The following PRKN variants were observed in gnomAD, a reference collection of about 807,000 sequenced individuals.
PRKN encodes E3 ubiquitin-protein ligase parkin.
Under a neutral mutation model 59.5 loss-of-function variants are expected in PRKN, and 56 were observed. The observed-to-expected ratio is 0.94, with a 90% CI of 0.76 to 1.18. The LOEUF (loss-of-function observed/expected upper bound fraction) is 1.18, where lower values mean the gene tolerates loss of function less well. Among genes scored for constraint, PRKN ranks in the 50% most tolerant of loss-of-function variants. The pLI, the probability that PRKN is intolerant of heterozygous loss-of-function variation, is 0.00. For missense variants in PRKN, 657 were observed against 596.4 expected (o/e 1.10, Z -1.06); for synonymous variants, 250 against 222.1 (o/e 1.13, Z -1.12).
rs1175386173 is a variant in PRKN at position 161,547,367 on chromosome 6, CT to C, written c.1083+1486del. On this transcript the variant is annotated intron_variant, in intron 9 of 11. Coordinates refer to ENST00000366898, the MANE Select transcript of PRKN (RefSeq NM_004562.3). This position sits in a 1 kb window ranked among gnomAD's most constrained non-coding sequence, Gnocchi z 4.0. ...TAAAATAATTTGTCATGATTTGCAG[CT>C]TAAGTATGTATGTTATTTACTTATA... Among the ~76,000 whole-genome samples the C allele has an allele frequency of 6.6e-6, 1 of 152,104 alleles. No individual in the cohort carries two copies. Among genetic ancestry groups the C allele is most frequent in the African/African-American group, 2.4e-5 (1 of 41,410 alleles).
intron 5 of PRKN, among the ~76,000 whole-genome samples, chr6:162,040,968 TGAGGTCAGGA>T (rs1158579961): frequency 1.3e-5 from 2 of 150,828 alleles, no homozygotes; most frequent in African/African-American, 4.9e-5. Flanking sequence ...GTAGATCACC[TGAGGTCAGGA>T]GTTCAAGACC....
intron 6 of PRKN, among the ~76,000 whole-genome samples, chr6:161,816,776 T>C (rs1791801595): frequency 6.6e-6 from 1 of 152,010 alleles, no homozygotes. Flanking sequence ...TAACCCCAAT[T>C]TTGCTATTGA....
intron 1 of PRKN, among the ~76,000 whole-genome samples, chr6:162,608,038 C>T (rs1781994163): frequency 6.6e-6 from 1 of 152,162 alleles, no homozygotes; most frequent in Non-Finnish European, 1.5e-5. Flanking sequence ...TGTGGCTGCA[C>T]AGGTTGAAAG....
intron 4 of PRKN, among the ~76,000 whole-genome samples, chr6:162,111,334 A>G (rs1349234418): frequency 6.6e-6 from 1 of 152,192 alleles, no homozygotes; most frequent in East Asian, 1.9e-4. Context: ...GTGTTGTGGC[A>G]TGCATCTGTA....
rs532939479 is a variant in PRKN at position 161,530,112 on chromosome 6, C to T, written c.1083+18742G>A. On this transcript the variant is annotated intron_variant, in intron 9 of 11. Coordinates refer to ENST00000366898, the MANE Select transcript of PRKN (RefSeq NM_004562.3). The surrounding 1 kb of genome is among the most constrained non-coding windows in gnomAD (Gnocchi z 5.0). ...TTTCACTGGGCCGTGGCTGTGCACA[C>T]GGGCTTCTTGCCATCACTTAAATGG... Among the ~76,000 whole-genome samples the T allele has an allele frequency of 1.4e-4, 22 of 152,266 alleles. No individual in the cohort carries two copies. In the South Asian group the frequency reaches 1.7e-3, roughly 11 times the overall value.
chr6:161,593,961 C>A lies in PRKN; in HGVS notation c.872-24545G>T, dbSNP rs898956222. On this transcript the variant is annotated intron_variant, in intron 7 of 11. Coordinates refer to ENST00000366898, the MANE Select transcript of PRKN (RefSeq NM_004562.3). This position sits in a 1 kb window ranked among gnomAD's most constrained non-coding sequence, Gnocchi z 4.8. The stretch of plus-strand genomic sequence containing the variant: ...GGTCAGGAGTTTGAGACCAGCCTGG[C>A]CAACATAGTGAAACCCCATCTCTAC... Among the ~76,000 whole-genome samples the A allele has an allele frequency of 6.0e-5, 9 of 151,062 alleles. No individual in the cohort carries two copies. The highest frequency in any genetic ancestry group is 1.3e-4 in the Non-Finnish European group (9 of 67,848).
chr6:161,818,177 G>A (rs1791869467), intron 6 of PRKN, among the ~76,000 whole-genome samples: 1 of 152,114 alleles, frequency 6.6e-6, no homozygotes, highest in African/African-American at 2.4e-5. Context: ...TCTCCTGAAA[G>A]ATAAGGTCAG....
chr6:162,566,427 A>C (rs965938558), intron 1 of PRKN, among the ~76,000 whole-genome samples: 3 of 152,156 alleles, frequency 2.0e-5, no homozygotes, highest in Admixed American at 6.5e-5. Flanking sequence ...GATCCAAATA[A>C]AACCATAAAT....
intron 4 of PRKN, among the ~76,000 whole-genome samples, chr6:162,156,033 A>G (rs1490393918): frequency 2.0e-5 from 3 of 151,858 alleles, no homozygotes; most frequent in African/African-American, 7.3e-5. Context: ...GAGGAAAATG[A>G]GTCATAAATA....
chr6:162,517,732 A>G (rs2128192574), intron 1 of PRKN, among the ~76,000 whole-genome samples: 1 of 152,244 alleles, frequency 6.6e-6, no homozygotes, highest in African/African-American at 2.4e-5. Flanking sequence ...ATTGAATTTA[A>G]AAAACTGAAT....
At chr6:162,435,486 G>C (rs1298255180) in intron 2 of PRKN, among the ~76,000 whole-genome samples, 1 of 152,124 alleles carries the variant, frequency 6.6e-6, no homozygotes, top group African/African-American at 2.4e-5. Flanking sequence ...ATGCAAAGAG[G>C]TAAGTCATTC....
At chr6:162,321,521 A>AT (rs34350616) in intron 2 of PRKN, among the ~76,000 whole-genome samples, 2 of 151,812 alleles carry the variant, frequency 1.3e-5, no homozygotes, top group Non-Finnish European at 2.9e-5. Context: ...CTTCCAATTT[A>AT]TTTTTTTTCA....
At chr6:161,911,657 C>T (rs1778365770) in intron 6 of PRKN, among the ~76,000 whole-genome samples, 1 of 152,016 alleles carries the variant, frequency 6.6e-6, no homozygotes, top group Non-Finnish European at 1.5e-5. Context: ...GAAAAGCAAA[C>T]AGAGAGTATG....
rs537244104 is a variant in PRKN at position 161,578,880 on chromosome 6, C to T, written c.872-9464G>A. Among the ~76,000 whole-genome samples, 40 of 152,352 alleles carry T rather than the reference C, an allele frequency of 2.6e-4. No homozygotes were observed. Among genetic ancestry groups the T allele is most frequent in the South Asian group, 4.1e-4 (2 of 4,822 alleles). On this transcript the variant is annotated intron_variant, in intron 7 of 11. Coordinates refer to ENST00000366898, the MANE Select transcript of PRKN (RefSeq NM_004562.3). The surrounding 1 kb of genome is among the most constrained non-coding windows in gnomAD (Gnocchi z 4.2). Reference sequence around the variant, plus strand: ...TTGAATTGTGTGTATATTCTTGGCGCTTTGCCTTCACCTTTGAATTTCATA... The same window carrying T: ...TTGAATTGTGTGTATATTCTTGGCGTTTTGCCTTCACCTTTGAATTTCATA...
intron 6 of PRKN, among the ~76,000 whole-genome samples, chr6:161,892,276 A>T (rs9346890): frequency 0.31 from 47,393 of 151,646 alleles, 7,580 homozygotes; most frequent in East Asian, 0.43. Flanking sequence ...CTCTACAAAA[A>T]ATCTTTGGAC....
intron 8 of PRKN, among the ~76,000 whole-genome samples, chr6:161,563,717 C>T (rs1029181154): frequency 7.2e-5 from 11 of 152,128 alleles, no homozygotes; most frequent in Admixed American, 2.0e-4. Flanking sequence ...TAAAGATCAA[C>T]GAAAACAGAA....
Position 161,369,163 on chromosome 6 carries a change from T to C in PRKN, c.1168-8958A>G, listed in dbSNP as rs1785340621. Among the ~76,000 whole-genome samples, 1 of 152,148 alleles carries C rather than the reference T, an allele frequency of 6.6e-6. No homozygotes were observed. The highest frequency in any genetic ancestry group is 1.5e-5 in the Non-Finnish European group (1 of 68,024). The stretch of plus-strand genomic sequence containing the variant: ...GGAGCACATCTTTGCTTTGCATCCT[T>C]CATGAGTGTCTTAATGCTGATGTTT... On this transcript the variant is annotated intron_variant, in intron 10 of 11. Transcript: ENST00000366898. The surrounding 1 kb of genome is among the most constrained non-coding windows in gnomAD (Gnocchi z 5.8).
chr6:161,788,413 C>T (rs1790508631), intron 6 of PRKN, among the ~76,000 whole-genome samples: 1 of 152,110 alleles, frequency 6.6e-6, no homozygotes, highest in Non-Finnish European at 1.5e-5. Context: ...GTCCATCTTA[C>T]CCATCCTGCA....
rs5881476 is a variant in PRKN at position 162,442,009 on chromosome 6, G to GAA, written c.171+1299_171+1300dup. On this transcript the variant is annotated intron_variant, in intron 2 of 11. Coordinates refer to ENST00000366898, the MANE Select transcript of PRKN (RefSeq NM_004562.3). The stretch of plus-strand genomic sequence containing the variant: ...AAAATCTTTTTAGTTGACTGAAATA[G>GAA]AAAAAAAAAAAATCAAAACCCTTTT... Among the ~76,000 whole-genome samples, 119 of 147,560 alleles carry GAA rather than the reference G, an allele frequency of 8.1e-4. 1 individual carries two copies. The East Asian group carries it at 8.3e-3, about 10-fold the overall frequency.
Sources: allele counts gnomAD v4.1 joint callset (sites outside exome capture counted in the v4.1 genomes callset), GRCh38; gene constraint gnomAD v4.1.1; non-coding constraint Gnocchi (gnomAD v3.1); transcripts MANE v1.5; gene names NCBI Gene and HGNC (gene_info 2026-07-23, HGNC 2026-07-21).